IFI16: variants seen among roughly 807,000 people sequenced by gnomAD.
IFI16 encodes the protein interferon gamma inducible protein 16.
IFI16 carries 49 observed loss-of-function variants against 68.4 expected under a neutral mutation model. That is an observed-to-expected ratio of 0.72 (90% confidence interval 0.57 to 0.91). The LOEUF is 0.91. IFI16 is among the 40% of genes least tolerant of loss of function. IFI16 has a pLI of 0.00. For synonymous variants in IFI16, 307 were observed against 315.0 expected, an observed-to-expected ratio of 0.97 and a Z score of 0.27; for missense variants, 878 against 942.9, an observed-to-expected ratio of 0.93 and a Z score of 0.90.
chr1:159,022,427 G>C (rs1653396062), intron 6 of IFI16, among the ~76,000 whole-genome samples: 1 of 152,208 alleles, frequency 6.6e-6, no homozygotes, highest in African/African-American at 2.4e-5. Context: ...AGAGTATACG[G>C]AACAAAGGAG....
At chr1:159,015,786 T>A in intron 2 of IFI16, 86 bp from the exon 3 acceptor site, 1 of 967,384 alleles carries the variant, frequency 1.0e-6, no homozygotes, top group South Asian at 1.4e-5. Context: ...GAGCAAATTG[T>A]ATTGAAACTG....
intron 6 of IFI16, among the ~76,000 whole-genome samples, chr1:159,021,598 T>C (rs369282463): frequency 6.6e-6 from 1 of 152,192 alleles, no homozygotes; most frequent in African/African-American, 2.4e-5. Context: ...ACTGACTTCT[T>C]TTCCTCTGGG....
chr1:159,014,782 A>G lies in IFI16; in HGVS notation c.102A>G (p.Lys34=). The change falls in exon 2 of 12, where the codon AAA becomes AAG. Residue 34 remains lysine (K), a synonymous_variant. Coordinates refer to ENST00000295809, the MANE Select transcript of IFI16 (RefSeq NM_001376587.1). ...MVKSLLSNDL[K]LNLKMREEYD... is the part of the protein sequence containing the mutation. ...AGTCCTTACTGAGCAACGATTTAAA[A>G]CTTAATTTAAAAATGAGAGAAGAGT... 1.9e-6 allele frequency: 3 copies of G among 1,613,738 alleles called. No individual in the cohort carries two copies. Among genetic ancestry groups the G allele is most frequent in the Non-Finnish European group, 1.7e-6 (2 of 1,179,612 alleles).
intron 7 of IFI16, among the ~76,000 whole-genome samples, chr1:159,036,510 T>A (rs548497097): frequency 6.6e-6 from 1 of 152,348 alleles, no homozygotes; most frequent in African/African-American, 2.4e-5. Context: ...AATCCAGCCT[T>A]AATGAACTCT....
intron 7 of IFI16, among the ~76,000 whole-genome samples, chr1:159,037,281 C>T (rs957552965): frequency 6.6e-5 from 10 of 152,160 alleles, no homozygotes; most frequent in African/African-American, 2.4e-4. Flanking sequence ...GAAAGAGGCA[C>T]GTGTCTCCAT....
rs765088611 is a variant in IFI16 at position 159,018,287 on chromosome 1, G to T, written c.608G>T (p.Arg203Leu). 6 of 1,614,048 alleles carry T rather than the reference G, an allele frequency of 3.7e-6. No individual in the cohort carries two copies. The highest frequency in any genetic ancestry group is 5.1e-6 in the Non-Finnish European group (6 of 1,179,956). Residue 203 changes from arginine to leucine, a missense_variant, in exon 5 of 12, where the codon CGC (arginine) becomes CTC (leucine). Arg to Leu is a moderately radical substitution (Grantham distance 102, BLOSUM62 -2). Transcript: ENST00000295809. Reference sequence around the variant, plus strand: ...CCCAGAAGAAATGTTCTCCAAAAACGCCCAGTGATAGTGAAGGTACTGAGT... The same window carrying T: ...CCCAGAAGAAATGTTCTCCAAAAACTCCCAGTGATAGTGAAGGTACTGAGT... The part of the protein sequence containing the change: ...VTPRRNVLQK[R>L]PVIVKVLSTT...
chr1:159,004,744 A>C (rs1353434855), upstream of IFI16, among the ~76,000 whole-genome samples: 1 of 152,220 alleles, frequency 6.6e-6, no homozygotes, highest in Non-Finnish European at 1.5e-5. Context: ...TTCATTACTG[A>C]CAACAGTAGA....
chr1:159,053,528 T>A lies in IFI16; in HGVS notation c.2086-5T>A. 1 of 1,572,806 alleles carries A rather than the reference T, an allele frequency of 6.4e-7. No individual in the cohort carries two copies. Among genetic ancestry groups the A allele is most frequent in the Non-Finnish European group, 8.7e-7 (1 of 1,147,430 alleles). On this transcript the variant is annotated splice_region_variant and splice_polypyrimidine_tract_variant and intron_variant, in intron 10 of 11. Coordinates refer to ENST00000295809, the MANE Select transcript of IFI16 (RefSeq NM_001376587.1). ...CAGAAGATAAGTGTTAATTTTCTTT[T>A]GCAGAAAAATGTAAGGGGTGAATTC...
chr1:159,048,303 T>A (rs1438768071), intron 8 of IFI16, among the ~76,000 whole-genome samples: 1 of 151,416 alleles, frequency 6.6e-6, no homozygotes, highest in Non-Finnish European at 1.5e-5. Flanking sequence ...AATTTATTCT[T>A]TATAACACCA....
intron 6 of IFI16, among the ~76,000 whole-genome samples, chr1:159,031,250 C>T (rs1208424087): frequency 1.3e-5 from 2 of 152,156 alleles, no homozygotes; most frequent in Non-Finnish European, 2.9e-5. Context: ...TGCTACCAGC[C>T]TCCCTGCTGA....
intron 6 of IFI16, 53 bp from the exon 7 acceptor site, chr1:159,032,471 G>A (rs1654055368): frequency 9.0e-7 from 1 of 1,109,562 alleles, no homozygotes; most frequent in East Asian, 2.6e-5. Context: ...ATGAAAAGAT[G>A]TTGTGCTTCC....
intron 7 of IFI16, among the ~76,000 whole-genome samples, chr1:159,040,890 C>A (rs1390018572): frequency 6.6e-6 from 1 of 152,180 alleles, no homozygotes; most frequent in Non-Finnish European, 1.5e-5. Context: ...AATGTTTCTA[C>A]CAGTGTGAGA....
chr1:159,026,916 C>T (rs1300306906), intron 6 of IFI16, among the ~76,000 whole-genome samples: 1 of 152,060 alleles, frequency 6.6e-6, no homozygotes, highest in Non-Finnish European at 1.5e-5. Flanking sequence ...TTTACCAATT[C>T]TAGGAGCTTT....
At chr1:159,047,704 T>C (rs1022656669) in intron 8 of IFI16, among the ~76,000 whole-genome samples, 3 of 148,742 alleles carry the variant, frequency 2.0e-5, no homozygotes, top group African/African-American at 7.4e-5. Flanking sequence ...GACCAATCAG[T>C]CTGTGATTCG....
chr1:159,014,892 A>C lies in IFI16; in HGVS notation c.212A>C (p.Asp71Ala). 1 of 1,613,692 alleles carries C rather than the reference A, an allele frequency of 6.2e-7. No individual in the cohort carries two copies. Among genetic ancestry groups the C allele is most frequent in the Non-Finnish European group, 8.5e-7 (1 of 1,179,914 alleles). ...GGCAAACTAATAAAAATTTTCGAAG[A>C]TATACCAACGCTTGAAGACCTGGCT... Reference protein sequence around the residue: ...GLGKLIKIFEDIPTLEDLAET... With the variant: ...GLGKLIKIFEAIPTLEDLAET... The change falls in exon 2 of 12, where the codon GAT becomes GCT. Residue 71 changes from aspartate (D) to alanine (A), a missense_variant. Physicochemically the swap from Asp to Ala is moderately radical, Grantham distance 126. Coordinates refer to ENST00000295809, the MANE Select transcript of IFI16 (RefSeq NM_001376587.1).
At chr1:159,033,038 C>T (rs1191104615) in intron 7 of IFI16, among the ~76,000 whole-genome samples, 1 of 151,974 alleles carries the variant, frequency 6.6e-6, no homozygotes, top group Non-Finnish European at 1.5e-5. Flanking sequence ...CCCATTTCCC[C>T]TTTGCTTATT....
upstream of IFI16, among the ~76,000 whole-genome samples, chr1:159,004,073 T>C (rs970215017): frequency 6.6e-5 from 10 of 152,222 alleles, no homozygotes; most frequent in Non-Finnish European, 4.4e-5. Context: ...CCAAAGATTG[T>C]CAACCCTTAA....
rs554833929 is a variant in IFI16, at chr1:159,043,107, G to C, written c.1330-2190G>C. ...ACATGTGGGTTTTCTCAATTTTTTA[G>C]ACAGTCATTTTTTTGGTTATTAATT... On this transcript the variant is annotated intron_variant, in intron 7 of 11. Transcript: ENST00000295809. 6.6e-5 allele frequency among the ~76,000 whole-genome samples: 10 copies of C among 152,250 alleles called. No homozygotes were observed. The South Asian group carries it at 2.1e-3, about 32-fold the overall frequency.
intron 6 of IFI16, among the ~76,000 whole-genome samples, chr1:159,025,046 G>A (rs1184486826): frequency 6.6e-6 from 1 of 151,828 alleles, no homozygotes; most frequent in Non-Finnish European, 1.5e-5. Flanking sequence ...TTTCAGGCTG[G>A]TGCTGGTGTA....
Sources: allele counts gnomAD v4.1 joint callset (sites outside exome capture counted in the v4.1 genomes callset), GRCh38; gene constraint gnomAD v4.1.1; transcripts MANE v1.5; gene names NCBI Gene and HGNC (gene_info 2026-07-23, HGNC 2026-07-21).